SAMD13: variants seen among roughly 807,000 people sequenced by gnomAD.
SAMD13 encodes the protein sterile alpha motif domain-containing protein 13.
SAMD13 carries 9 observed loss-of-function variants against 12.4 expected under a neutral mutation model. That is an observed-to-expected ratio of 0.72 (90% CI 0.44 to 1.26). SAMD13 has a LOEUF of 1.26. SAMD13 is among the 50% of genes most tolerant of loss of function. The pLI is 0.00. For synonymous variants in SAMD13, 46 were observed against 45.4 expected (o/e 1.01, Z -0.05); for missense variants, 84 against 119.6 (o/e 0.70, Z 1.39).
At chr1:84,322,094 AAAT>A (rs1247642501) in intron 2 of SAMD13, among the ~76,000 whole-genome samples, 5 of 152,258 alleles carry the variant, frequency 3.3e-5, no homozygotes, top group African/African-American at 1.2e-4. Flanking sequence ...TCCCTTACGT[AAAT>A]ACGTCCTCAA....
rs571511842 is a variant in SAMD13, at chr1:84,303,876, T to C, written c.53+589T>C. On this transcript the variant is annotated intron_variant, in intron 2 of 3. Transcript: ENST00000394834. Reference sequence around the variant, plus strand: ...GAGTTATATATTTGATTATTTTAAATGGGAAAATTCAATTGCACATGTAAC... The same window carrying C: ...GAGTTATATATTTGATTATTTTAAACGGGAAAATTCAATTGCACATGTAAC... The C allele has an allele frequency of 3.9e-5, 6 of 152,384 alleles. 1 individual carries two copies. Among genetic ancestry groups the C allele is most frequent in the South Asian group, 2.1e-4 (1 of 4,832 alleles). 9.4% of individuals were successfully genotyped at this position (152,384 alleles called of 1,614,324 possible).
At position 84,325,692 on chromosome 1, in the gene SAMD13, G is replaced by A. The variant is rs1202836496; in HGVS notation, c.109G>A (p.Val37Ile). 2.5e-6 allele frequency: 4 copies of A among 1,613,526 alleles called. No individual in the cohort carries two copies. Among genetic ancestry groups the A allele is most frequent in the Admixed American group, 3.3e-5 (2 of 59,996 alleles). The stretch of plus-strand genomic sequence containing the variant: ...TGCAGACTGGGCCGTGATGGATGTC[G>A]TCAATTATTTCCGAACCGTGGGATT... The part of the protein sequence containing the change: ...DPADWAVMDV[V>I]NYFRTVGFEE... The change falls in exon 3 of 4, where the codon GTC becomes ATC. Residue 37 changes from valine to isoleucine, a missense_variant. Transcript: ENST00000394834.
chr1:84,335,523 G>A (rs1284265515), intron 3 of SAMD13, among the ~76,000 whole-genome samples: 1 of 152,070 alleles, frequency 6.6e-6, no homozygotes, highest in East Asian at 1.9e-4. Context: ...ACTTTTAATT[G>A]AGACATTTAC....
chr1:84,313,034 G>A (rs558819804), intron 2 of SAMD13, among the ~76,000 whole-genome samples: 440 of 152,162 alleles, frequency 2.9e-3, no homozygotes, highest in Non-Finnish European at 5.6e-3. Context: ...GTAGGTTCAT[G>A]AGTATTTATT....
Position 84,325,707 on chromosome 1 carries a change from A to G in SAMD13, c.124A>G (p.Thr42Ala), listed in dbSNP as rs780993271. ...GATGGATGTCGTCAATTATTTCCGA[A>G]CCGTGGGATTTGAGGAGCAAGCTAG... ...AVMDVVNYFR[T>A]VGFEEQASAF... Residue 42 changes from threonine (T) to alanine (A), a missense_variant, in exon 3 of 4, where the codon ACC (threonine) becomes GCC (alanine). Physicochemically the swap from Thr to Ala is moderately conservative, Grantham distance 58. Transcript: ENST00000394834. 1 of 1,613,274 alleles carries G rather than the reference A, an allele frequency of 6.2e-7. No homozygotes were observed. Among genetic ancestry groups the G allele is most frequent in the Non-Finnish European group, 8.5e-7 (1 of 1,179,556 alleles).
intron 2 of SAMD13, among the ~76,000 whole-genome samples, chr1:84,324,091 C>T: frequency 6.6e-6 from 1 of 152,194 alleles, no homozygotes; most frequent in East Asian, 1.9e-4. Flanking sequence ...TTTAAATCCA[C>T]ACACTCCTCT....
At position 84,350,033 on chromosome 1, in the gene SAMD13, T is replaced by G; in HGVS notation, c.*259T>G. The G allele has an allele frequency of 2.2e-6, 1 of 454,054 alleles. No individual in the cohort carries two copies. The highest frequency in any genetic ancestry group is 3.3e-6 in the Non-Finnish European group (1 of 302,374). The allele number at this position is 454,054 out of a possible 1,614,324, so 28.1% of individuals were successfully genotyped here. On this transcript the variant is annotated 3_prime_UTR_variant, in exon 4 of 4. Transcript: ENST00000394834. The stretch of plus-strand genomic sequence containing the variant: ...GATGATCTTTGACACGATTAGACAC[T>G]CCTCCCCACAAAGGCTTTGAAATCA...
chr1:84,305,011 G>GCTTTCATTTCT (rs1347184750), intron 2 of SAMD13, among the ~76,000 whole-genome samples: 1 of 152,052 alleles, frequency 6.6e-6, no homozygotes, highest in Non-Finnish European at 1.5e-5. Flanking sequence ...GTGGACATAT[G>GCTTTCATTTCT]CTTTCATTTC....
chr1:84,345,210 G>A (rs1441874846), intron 3 of SAMD13: 1 of 456,168 alleles, frequency 2.2e-6, no homozygotes, highest in Non-Finnish European at 4.4e-6. Context: ...GAAAGTGCTA[G>A]AAGATGTGAG....
chr1:84,348,417 T>C (rs1238197244), intron 3 of SAMD13, among the ~76,000 whole-genome samples: 2 of 152,132 alleles, frequency 1.3e-5, no homozygotes, highest in Non-Finnish European at 2.9e-5. Context: ...CTACACACGG[T>C]GTCCCCATGT....
In SAMD13 at chr1:84,349,974, A is replaced by C; in HGVS notation, c.*200A>C. The C allele has an allele frequency of 8.3e-7, 1 of 1,206,748 alleles. No homozygotes were observed. The highest frequency in any genetic ancestry group is 1.1e-6 in the Non-Finnish European group (1 of 944,684). 74.8% of individuals were successfully genotyped at this position (1,206,748 alleles called of 1,614,324 possible). On this transcript the variant is annotated 3_prime_UTR_variant, in exon 4 of 4. Coordinates refer to ENST00000394834, the MANE Select transcript of SAMD13 (RefSeq NM_001134663.2). ...CAGGAGGAGCAAGGACAAGATGCGC[A>C]CAGGGTGGTTTTCCTCATGGATTTT...
intron 3 of SAMD13, among the ~76,000 whole-genome samples, chr1:84,339,518 T>G (rs1679376534): frequency 6.6e-6 from 1 of 152,230 alleles, no homozygotes; most frequent in Admixed American, 6.5e-5. Flanking sequence ...GCCACAGCTT[T>G]GTTCTCTGGC....
At chr1:84,329,868 G>T (rs532437078) in intron 3 of SAMD13, among the ~76,000 whole-genome samples, 1 of 152,280 alleles carries the variant, frequency 6.6e-6, no homozygotes, top group East Asian at 1.9e-4. Flanking sequence ...TTGGCATGTG[G>T]TCTGTGTCAT....
intron 2 of SAMD13, among the ~76,000 whole-genome samples, chr1:84,309,572 A>G (rs1285264061): frequency 3.3e-5 from 5 of 152,176 alleles, no homozygotes; most frequent in African/African-American, 7.2e-5. Flanking sequence ...GTTATTCTGT[A>G]TATTATGGGT....
chr1:84,307,992 TCTGCAGAC>T (rs1351224952), intron 2 of SAMD13, among the ~76,000 whole-genome samples: 2 of 152,070 alleles, frequency 1.3e-5, no homozygotes, highest in African/African-American at 2.4e-5. Context: ...AAGGGAACCC[TCTGCAGAC>T]CTCCAGAGTT....
At position 84,334,581 on chromosome 1, in the gene SAMD13, T is replaced by C. The variant is rs115436330; in HGVS notation, c.165+8833T>C. Among the ~76,000 whole-genome samples the C allele has an allele frequency of 2.9e-3, 449 of 152,286 alleles. 2 individuals are homozygous for C. Among genetic ancestry groups the C allele is most frequent in the African/African-American group, 0.01 (436 of 41,578 alleles). On this transcript the variant is annotated intron_variant, in intron 3 of 3. Transcript: ENST00000394834. ...TTCGGTTCAGCTCAGATTTTAGTTA[T>C]TTCTTGTCTTCTGGTAGCCTTGGGG...
chr1:84,339,674 C>A (rs902272960), intron 3 of SAMD13, among the ~76,000 whole-genome samples: 6 of 152,140 alleles, frequency 3.9e-5, no homozygotes, highest in Non-Finnish European at 2.9e-5. Context: ...TGCCAGCAGC[C>A]ACAGCAGCAT....
intron 2 of SAMD13, among the ~76,000 whole-genome samples, chr1:84,321,570 G>A (rs1451369765): frequency 6.6e-6 from 1 of 152,152 alleles, no homozygotes; most frequent in African/African-American, 2.4e-5. Flanking sequence ...ATTTTAAACA[G>A]TGACATTTAA....
chr1:84,318,491 AT>A (rs1464285309), intron 2 of SAMD13, among the ~76,000 whole-genome samples: 6 of 152,074 alleles, frequency 3.9e-5, no homozygotes, highest in African/African-American at 1.4e-4. Context: ...TTATTTTTAT[AT>A]TTGTTAAAAA....
Sources: allele counts gnomAD v4.1 joint callset (sites outside exome capture counted in the v4.1 genomes callset), GRCh38; gene constraint gnomAD v4.1.1; transcripts MANE v1.5; gene names NCBI Gene and HGNC (gene_info 2026-07-23, HGNC 2026-07-21).